Variants in XKR9 observed in about 807,000 individuals in gnomAD.
XKR9 encodes XK related 9, also known as XK-related protein 9.
Under a neutral mutation model 32.0 loss-of-function variants are expected in XKR9, and 32 were observed. That is an observed-to-expected ratio of 1.00 (90% CI 0.76 to 1.34). XKR9 has a LOEUF of 1.34. Ranked by LOEUF, XKR9 falls within the 40% of genes most tolerant of loss-of-function variation. The pLI is 0.00. For missense variants in XKR9, 546 were observed against 429.7 expected, an observed-to-expected ratio of 1.27 and a Z score of -2.39; for synonymous variants, 168 against 143.4, an observed-to-expected ratio of 1.17 and a Z score of -1.22.
At chr8:71,043,216 A>G in the XKR9 span, among the ~76,000 whole-genome samples, 2 of 152,202 alleles carry the variant, frequency 1.3e-5, no homozygotes, top group African/African-American at 4.8e-5. Context: ...AAATCAGATC[A>G]CAAGAAATAG....
chr8:70,748,480 AG>A (rs149935845), intron 2 of XKR9, among the ~76,000 whole-genome samples: 3,318 of 152,322 alleles, frequency 0.022, 132 homozygotes, highest in African/African-American at 0.076. Context: ...GCATTCAGAG[AG>A]GCACAAACAT....
chr8:70,953,466 C>G, the XKR9 span, among the ~76,000 whole-genome samples: 1 of 152,116 alleles, frequency 6.6e-6, no homozygotes, highest in East Asian at 1.9e-4. Context: ...TGTGCACCAC[C>G]GTGCCCGGCT....
the XKR9 span, among the ~76,000 whole-genome samples, chr8:70,822,031 T>C: frequency 6.6e-6 from 1 of 152,230 alleles, no homozygotes; most frequent in Non-Finnish European, 1.5e-5. Flanking sequence ...TTTCCAAACT[T>C]TTATGTGCTG....
the XKR9 span, among the ~76,000 whole-genome samples, chr8:71,038,927 C>T: frequency 1.3e-5 from 2 of 151,124 alleles, no homozygotes; most frequent in Non-Finnish European, 2.9e-5. Flanking sequence ...GCCTCAGCCT[C>T]TCTGAGGCTG....
the XKR9 span, among the ~76,000 whole-genome samples, chr8:70,977,684 TGTG>T: frequency 6.6e-6 from 1 of 152,170 alleles, no homozygotes; most frequent in Non-Finnish European, 1.5e-5. Context: ...ATAAGTGTGA[TGTG>T]GTGCTAAGAA....
intron 2 of XKR9, among the ~76,000 whole-genome samples, chr8:70,754,308 A>G (rs554331674): frequency 6.9e-6 from 1 of 145,360 alleles, no homozygotes; most frequent in Non-Finnish European, 1.5e-5. Flanking sequence ...ATGGATAGGA[A>G]GAATCAATAT....
At chr8:70,907,396 T>C in the XKR9 span, among the ~76,000 whole-genome samples, 6 of 152,216 alleles carry the variant, frequency 3.9e-5, no homozygotes, top group African/African-American at 1.2e-4. Context: ...TTTTCAAAAC[T>C]CAGTCATGCT....
chr8:71,011,409 TA>T, the XKR9 span, among the ~76,000 whole-genome samples: 8 of 152,136 alleles, frequency 5.3e-5, 1 homozygote, highest in South Asian at 1.5e-3. Flanking sequence ...ATTGGTACAA[TA>T]AAAAAAAGAC....
chr8:70,876,509 C>T, the XKR9 span, among the ~76,000 whole-genome samples: 1 of 152,026 alleles, frequency 6.6e-6, no homozygotes, highest in African/African-American at 2.4e-5. Flanking sequence ...TTGGTTTAAT[C>T]TGTCCAGTGC....
the XKR9 span, among the ~76,000 whole-genome samples, chr8:70,953,987 G>A: frequency 6.6e-6 from 1 of 152,174 alleles, no homozygotes; most frequent in African/African-American, 2.4e-5. Flanking sequence ...ATTCTTTAGG[G>A]AAAGAGTCGT....
chr8:70,783,658 T>A (rs1306196842), intron 2 of XKR9, among the ~76,000 whole-genome samples: 1 of 152,200 alleles, frequency 6.6e-6, no homozygotes, highest in Non-Finnish European at 1.5e-5. Flanking sequence ...ATTTGTATAT[T>A]TTCTCTCACA....
At chr8:70,761,621 A>C (rs1215110554) in intron 2 of XKR9, among the ~76,000 whole-genome samples, 1 of 151,908 alleles carries the variant, frequency 6.6e-6, no homozygotes, top group Non-Finnish European at 1.5e-5. Context: ...TGCAGTTCGC[A>C]AACATTTTCT....
intron 1 of XKR9, among the ~76,000 whole-genome samples, chr8:70,671,923 C>T (rs762132236): frequency 0.011 from 811 of 73,862 alleles, 109 homozygotes; most frequent in Middle Eastern, 0.049. Flanking sequence ...TATACACCAA[C>T]AACAGACAAA....
chr8:71,018,276 T>C, the XKR9 span, among the ~76,000 whole-genome samples: 1 of 152,114 alleles, frequency 6.6e-6, no homozygotes, highest in African/African-American at 2.4e-5. Flanking sequence ...AGATAATCTT[T>C]TTAAGATTAC....
Position 70,770,438 on chromosome 8 carries a change from G to A in XKR9, n.353-18901G>A, listed in dbSNP as rs570984372. 1.6e-3 allele frequency among the ~76,000 whole-genome samples: 242 copies of A among 152,288 alleles called. 1 individual carries two copies. Among genetic ancestry groups the A allele is most frequent in the African/African-American group, 5.6e-3 (233 of 41,568 alleles). ...AGTCTGTCTGTAGCAGAGCTTGAGC[G>A]CTGTGCTGGGAGATATGCTGCTCTC... On this transcript the variant is annotated intron_variant and non_coding_transcript_variant, in intron 2 of 3. Coordinates refer to the XKR9 transcript ENST00000520273.
chr8:70,868,655 G>A, the XKR9 span, among the ~76,000 whole-genome samples: 4 of 152,210 alleles, frequency 2.6e-5, no homozygotes, highest in Admixed American at 6.5e-5. Context: ...AGGGGCTACC[G>A]TGAAAACCTC....
chr8:70,764,675 G>A (rs1488142580), intron 2 of XKR9, among the ~76,000 whole-genome samples: 1 of 151,944 alleles, frequency 6.6e-6, no homozygotes, highest in East Asian at 1.9e-4. Context: ...ATGTGCCATG[G>A]TGGTTTGCTG....
chr8:70,891,180 CT>C, the XKR9 span, among the ~76,000 whole-genome samples: 14 of 149,906 alleles, frequency 9.3e-5, no homozygotes, highest in South Asian at 2.1e-4. Flanking sequence ...GGCCTTTTGT[CT>C]TTTTTTTTGT....
At chr8:70,885,690 G>A in the XKR9 span, among the ~76,000 whole-genome samples, 13 of 151,884 alleles carry the variant, frequency 8.6e-5, no homozygotes, top group South Asian at 2.1e-4. Context: ...TCCGCCTCCC[G>A]GGATCACGCC....
Sources: gnomAD v4.1 joint callset for allele counts (sites outside exome capture counted in the v4.1 genomes callset) on GRCh38, gnomAD v4.1.1 for gene constraint, MANE v1.5 for transcripts, NCBI Gene and HGNC (gene_info 2026-07-23, HGNC 2026-07-21) for gene names.